The following RGP1 variants were observed in gnomAD, a reference collection of about 807,000 sequenced individuals.
RGP1 encodes the protein RAB6A-GEF complex partner protein 2.
Under a neutral mutation model 44.5 loss-of-function variants are expected in RGP1, and 28 were observed. That is an observed-to-expected ratio of 0.63 (90% CI 0.47 to 0.86). The LOEUF (loss-of-function observed/expected upper bound fraction) is 0.86. RGP1 is among the 40% of genes least tolerant of loss of function. The probability of loss-of-function intolerance (pLI) is 0.00; values close to 1 mark genes in which losing one functional copy is unlikely to be tolerated. For missense variants in RGP1, 417 were observed against 490.7 expected (o/e 0.85, Z 1.42); for synonymous variants, 212 against 196.7 (o/e 1.08, Z -0.65).
chr9:35,757,683 G>A lies in RGP1; in HGVS notation c.*4809G>A, dbSNP rs1827378423. 6.6e-6 allele frequency: 1 copy of A among 152,398 alleles called. No homozygotes were observed. Among genetic ancestry groups the A allele is most frequent in the African/African-American group, 2.4e-5 (1 of 41,552 alleles). The allele number at this position is 152,398 out of a possible 1,614,324, so 9.4% of individuals were successfully genotyped here. A position where few individuals can be genotyped will look rare whatever the true frequency, so the allele number is the denominator to read the frequency against. ...GTGAAGGGTAGGTTTTAGGAGTAGG[G>A]GGAGTTATGATTATTTGGTTACATT... On this transcript the variant is annotated 3_prime_UTR_variant, in exon 9 of 9. Coordinates refer to ENST00000378078, the MANE Select transcript of RGP1 (RefSeq NM_001080496.3).
the RGP1 span, among the ~76,000 whole-genome samples, chr9:35,770,019 A>G: frequency 6.6e-6 from 1 of 152,222 alleles, no homozygotes; most frequent in Non-Finnish European, 1.5e-5. Flanking sequence ...CCAGTACTGC[A>G]TTTTGAATGT....
rs776897243 is a variant in RGP1 at position 35,749,335 on chromosome 9, C to T, written c.-93C>T. On this transcript the variant is annotated 5_prime_UTR_variant, in exon 1 of 9. Coordinates refer to ENST00000378078, the MANE Select transcript of RGP1 (RefSeq NM_001080496.3). This position sits in a 1 kb window ranked among gnomAD's most constrained non-coding sequence, Gnocchi z 4.4. ...GACGCCGCCGCCGCCGCCGCCGCCG[C>T]GTACCTAGCCAGGTCCCTGAGGGGC... 1 of 532,802 alleles carries T rather than the reference C, an allele frequency of 1.9e-6. No individual in the cohort carries two copies. Among genetic ancestry groups the T allele is most frequent in the South Asian group, 1.4e-5 (1 of 71,442 alleles). The allele number at this position is 532,802 out of a possible 1,614,324, so 33.0% of individuals were successfully genotyped here.
the RGP1 span, among the ~76,000 whole-genome samples, chr9:35,782,532 C>T: frequency 2.6e-5 from 4 of 152,184 alleles, no homozygotes; most frequent in South Asian, 2.1e-4. Flanking sequence ...CTGCAATCTC[C>T]GCCTCCTGGA....
At chr9:35,752,261 C>A in intron 8 of RGP1, 116 bp downstream of exon 8, 3 of 1,024,304 alleles carry the variant, frequency 2.9e-6, no homozygotes, top group Non-Finnish European at 4.2e-6. Context: ...CCACGTCTAG[C>A]CTCTGACCCG....
the RGP1 span, among the ~76,000 whole-genome samples, chr9:35,780,001 G>T: frequency 6.6e-6 from 1 of 152,174 alleles, no homozygotes; most frequent in African/African-American, 2.4e-5. Context: ...GCCTTCCAAT[G>T]CCTTGGGCTT....
At chr9:35,788,703 T>C in the RGP1 span, among the ~76,000 whole-genome samples, 1 of 152,210 alleles carries the variant, frequency 6.6e-6, no homozygotes, top group African/African-American at 2.4e-5. Flanking sequence ...CCCTAGCTGG[T>C]TGCTGCTTAG....
downstream of RGP1, among the ~76,000 whole-genome samples, chr9:35,761,103 G>A (rs1307635516): frequency 1.3e-5 from 2 of 152,236 alleles, no homozygotes; most frequent in Non-Finnish European, 2.9e-5. Flanking sequence ...GATGAATGAA[G>A]CTTTCCTTCT....
chr9:35,774,479 G>A, the RGP1 span, among the ~76,000 whole-genome samples: 29 of 152,234 alleles, frequency 1.9e-4, no homozygotes, highest in Admixed American at 3.9e-4. Flanking sequence ...TGTAATCCCA[G>A]CACTTTGGGA....
At position 35,753,017 on chromosome 9, in the gene RGP1, T is replaced by G; in HGVS notation, c.*143T>G. 6.4e-7 allele frequency: 1 copy of G among 1,562,574 alleles called. No homozygotes were observed. Among genetic ancestry groups the G allele is most frequent in the Non-Finnish European group, 8.7e-7 (1 of 1,144,106 alleles). On this transcript the variant is annotated 3_prime_UTR_variant, in exon 9 of 9. Transcript: ENST00000378078. The surrounding 1 kb of genome is among the most constrained non-coding windows in gnomAD (Gnocchi z 4.2). ...TCAGCTATAGCATTAATTTATTTGT[T>G]CAGAATACATTGGCAGCTGCTAGTG...
rs1040603042 is a variant in RGP1, at chr9:35,749,630, C to T, written c.-19-107C>T. On this transcript the variant is annotated intron_variant, in intron 1 of 8. Transcript: ENST00000378078. This position sits in a 1 kb window ranked among gnomAD's most constrained non-coding sequence, Gnocchi z 4.4. ...TCCTATATCCAGGAGCTCCCTCGGG[C>T]ACCACGGTGCTGACCACCCCTGTCC... 23 of 725,104 alleles carry T rather than the reference C, an allele frequency of 3.2e-5. No homozygotes were observed. In the African/African-American group the frequency reaches 3.7e-4, roughly 12 times the overall value. 44.9% of individuals were successfully genotyped at this position (725,104 alleles called of 1,614,324 possible).
rs1412267815 is a variant in RGP1, at chr9:35,757,928, A to C, written c.*5054A>C. 2 of 152,232 alleles carry C rather than the reference A, an allele frequency of 1.3e-5. No homozygotes were observed. The highest frequency in any genetic ancestry group is 2.9e-5 in the Non-Finnish European group (2 of 68,038). The allele number at this position is 152,232 out of a possible 1,614,324, so 9.4% of individuals were successfully genotyped here. A position where few individuals can be genotyped will look rare whatever the true frequency, so the allele number is the denominator to read the frequency against. ...TGGATTTTTAAAAATAAAAAAATAA[A>C]AATAGAAAAGTTGCACAATCTAATT... is the stretch of plus-strand genomic sequence containing the variant. On this transcript the variant is annotated 3_prime_UTR_variant, in exon 9 of 9. Coordinates refer to ENST00000378078, the MANE Select transcript of RGP1 (RefSeq NM_001080496.3).
the RGP1 span, among the ~76,000 whole-genome samples, chr9:35,775,546 A>T: frequency 6.6e-6 from 1 of 152,182 alleles, no homozygotes; most frequent in South Asian, 2.1e-4. Flanking sequence ...CTCAGCAGGA[A>T]GCCATCTGTG....
At chr9:35,785,579 G>A in the RGP1 span, among the ~76,000 whole-genome samples, 5 of 152,102 alleles carry the variant, frequency 3.3e-5, no homozygotes, top group African/African-American at 4.8e-5. Flanking sequence ...TCAAAAGGTC[G>A]CTTTGACACC....
At chr9:35,783,129 A>T in the RGP1 span, among the ~76,000 whole-genome samples, 3 of 152,050 alleles carry the variant, frequency 2.0e-5, no homozygotes, top group Non-Finnish European at 2.9e-5. Flanking sequence ...TTATTCATTT[A>T]TTCATTTATT....
chr9:35,767,718 A>T, the RGP1 span, among the ~76,000 whole-genome samples: 76 of 152,304 alleles, frequency 5.0e-4, no homozygotes, highest in South Asian at 1.0e-3. Context: ...ACATCATTAA[A>T]TTCATCATGG....
In RGP1 at chr9:35,753,393, C is replaced by T. The variant is rs1266087266; in HGVS notation, c.*519C>T. The stretch of plus-strand genomic sequence containing the variant: ...CCCCACAGAGCCCCTTTCAGTGGCC[C>T]CTTGGTCCTCCTAACTAAGCTGTCA... On this transcript the variant is annotated 3_prime_UTR_variant, in exon 9 of 9. Coordinates refer to ENST00000378078, the MANE Select transcript of RGP1 (RefSeq NM_001080496.3). This position sits in a 1 kb window ranked among gnomAD's most constrained non-coding sequence, Gnocchi z 4.2. 5.2e-6 allele frequency: 6 copies of T among 1,161,566 alleles called. No homozygotes were observed. The highest frequency in any genetic ancestry group is 5.0e-5 in the Admixed American group (2 of 39,916). 72.0% of individuals were successfully genotyped at this position (1,161,566 alleles called of 1,614,324 possible). A position where few individuals can be genotyped will look rare whatever the true frequency, so the allele number is the denominator to read the frequency against.
chr9:35,766,241 G>T, the RGP1 span, among the ~76,000 whole-genome samples: 1 of 151,182 alleles, frequency 6.6e-6, no homozygotes, highest in African/African-American at 2.4e-5. Context: ...ATGACATTGA[G>T]CATCTTTTTA....
At chr9:35,787,272 C>A in the RGP1 span, among the ~76,000 whole-genome samples, 3 of 152,076 alleles carry the variant, frequency 2.0e-5, no homozygotes, top group Non-Finnish European at 4.4e-5. Flanking sequence ...CTCTTTCCCC[C>A]AGGCTGGAGT....
chr9:35,773,502 C>T, the RGP1 span, among the ~76,000 whole-genome samples: 1 of 151,902 alleles, frequency 6.6e-6, no homozygotes, highest in Admixed American at 6.6e-5. Flanking sequence ...TTCCAGGTTT[C>T]CTTTTTCTTT....
Sources: gnomAD v4.1 joint callset for allele counts (sites outside exome capture counted in the v4.1 genomes callset) on GRCh38, gnomAD v4.1.1 for gene constraint, Gnocchi (gnomAD v3.1) non-coding constraint, MANE v1.5 for transcripts, NCBI Gene and HGNC (gene_info 2026-07-23, HGNC 2026-07-21) for gene names.